The following RPH3A variants were observed in gnomAD, a reference collection of about 807,000 sequenced individuals.
RPH3A encodes the protein rabphilin-3A.
A neutral mutation model predicts 102.2 loss-of-function variants in RPH3A; 48 were observed. The observed-to-expected ratio is 0.47, with a 90% CI of 0.37 to 0.60. The LOEUF (loss-of-function observed/expected upper bound fraction) is 0.60, where lower values mean the gene tolerates loss of function less well. RPH3A is among the 20% of genes least tolerant of loss of function. RPH3A has a pLI of 0.00. For missense variants in RPH3A, 781 were observed against 910.1 expected (o/e 0.86, Z 1.83); for synonymous variants, 310 against 324.3 (o/e 0.96, Z 0.47).
rs370018106 is a variant in RPH3A, at chr12:112,865,714, C to A, written c.360+171C>A. 6 of 616,360 alleles carry A rather than the reference C, an allele frequency of 9.7e-6. No individual in the cohort carries two copies. The East Asian group carries it at 1.7e-4, about 17-fold the overall frequency. The allele number at this position is 616,360 out of a possible 1,614,324, so 38.2% of individuals were successfully genotyped here. A position where few individuals can be genotyped will look rare whatever the true frequency, so the allele number is the denominator to read the frequency against. On this transcript the variant is annotated intron_variant, in intron 6 of 21. Transcript: ENST00000389385. ...GCTTCCATGCCCTACTGTCTTCCAACGTAACCCTGATCCTGGTTCCTCCCT... is the reference window on the plus strand; with the variant it reads ...GCTTCCATGCCCTACTGTCTTCCAAAGTAACCCTGATCCTGGTTCCTCCCT...
chr12:112,759,183 A>C (rs1165450538), intron 1 of RPH3A, among the ~76,000 whole-genome samples: 1 of 152,194 alleles, frequency 6.6e-6, no homozygotes, highest in Non-Finnish European at 1.5e-5. Context: ...ACCATAGTGT[A>C]AAAAATAAGT....
At chr12:112,820,131 T>C (rs1413536810) in intron 2 of RPH3A, among the ~76,000 whole-genome samples, 4 of 152,196 alleles carry the variant, frequency 2.6e-5, no homozygotes, top group Non-Finnish European at 4.4e-5. Flanking sequence ...GGGTACCAAA[T>C]ACACCTTTAG....
chr12:112,680,741 CCCT>C (rs1442970396), intron 1 of RPH3A, among the ~76,000 whole-genome samples: 1 of 152,056 alleles, frequency 6.6e-6, no homozygotes, highest in Non-Finnish European at 1.5e-5. Context: ...ACATGCATAG[CCCT>C]CCTTTTTCTC....
chr12:112,826,962 G>T (rs1332327659), intron 2 of RPH3A, among the ~76,000 whole-genome samples: 1 of 152,072 alleles, frequency 6.6e-6, no homozygotes, highest in Non-Finnish European at 1.5e-5. Flanking sequence ...TATTTCTCAG[G>T]TATATACCTG....
At chr12:112,760,449 T>C (rs972176016) in intron 1 of RPH3A, among the ~76,000 whole-genome samples, 1 of 152,262 alleles carries the variant, frequency 6.6e-6, no homozygotes, top group Non-Finnish European at 1.5e-5. Flanking sequence ...AGCACTATGC[T>C]AGGCATGGTA....
In RPH3A at chr12:112,694,500, T is replaced by C. The variant is rs1361977884; in HGVS notation, c.-139-97643T>C. Among the ~76,000 whole-genome samples, 4 of 150,960 alleles carry C rather than the reference T, an allele frequency of 2.6e-5. No homozygotes were observed. The South Asian group carries it at 8.4e-4, about 32-fold the overall frequency. On this transcript the variant is annotated intron_variant, in intron 1 of 21. Coordinates refer to the RPH3A transcript ENST00000543106. Reference sequence around the variant, plus strand: ...CCACTGGCTGGCCACCAAGCTGAGATTGTCATGCAGCAGCAGCAGCATAAG... The same window carrying C: ...CCACTGGCTGGCCACCAAGCTGAGACTGTCATGCAGCAGCAGCAGCATAAG...
At chr12:112,601,880 G>A (rs2039561858) in intron 1 of RPH3A, among the ~76,000 whole-genome samples, 3 of 152,186 alleles carry the variant, frequency 2.0e-5, no homozygotes, top group Admixed American at 6.5e-5. Context: ...GGTCCAGGCT[G>A]CAGTGAGCTG....
chr12:112,783,724 C>T (rs374834747), intron 1 of RPH3A, among the ~76,000 whole-genome samples: 11 of 152,104 alleles, frequency 7.2e-5, no homozygotes, highest in East Asian at 1.9e-4. Context: ...TAAGGCACAG[C>T]GAGGTAAAGT....
chr12:112,747,825 G>T (rs1428271645), intron 1 of RPH3A, among the ~76,000 whole-genome samples: 1 of 152,236 alleles, frequency 6.6e-6, no homozygotes, highest in African/African-American at 2.4e-5. Context: ...CAGGGTGACT[G>T]CTCCAAGTGA....
chr12:112,809,060 G>A (rs1470675066), intron 2 of RPH3A, among the ~76,000 whole-genome samples: 1 of 152,114 alleles, frequency 6.6e-6, no homozygotes, highest in African/African-American at 2.4e-5. Flanking sequence ...GCAGAACTAG[G>A]ATGTGACTGT....
chr12:112,603,830 T>C (rs1448847603), intron 1 of RPH3A, among the ~76,000 whole-genome samples: 1 of 152,138 alleles, frequency 6.6e-6, no homozygotes, highest in African/African-American at 2.4e-5. Context: ...GGAGTCACTC[T>C]GGTTTGAATG....
intron 11 of RPH3A, 75 bp from the exon 12 acceptor site, chr12:112,875,604 G>T: frequency 1.5e-6 from 2 of 1,333,726 alleles, no homozygotes; most frequent in South Asian, 1.2e-5. Context: ...CCTGTGAAAT[G>T]AAAAGGAAAA....
chr12:112,843,716 A>C (rs1424436261), intron 4 of RPH3A, among the ~76,000 whole-genome samples: 1 of 152,184 alleles, frequency 6.6e-6, no homozygotes, highest in African/African-American at 2.4e-5. Context: ...AGTTTTGGTC[A>C]CTGAGCTGCT....
At chr12:112,588,475 G>GA (rs552817800) in intron 1 of RPH3A, among the ~76,000 whole-genome samples, 5 of 152,262 alleles carry the variant, frequency 3.3e-5, no homozygotes, top group East Asian at 1.9e-4. Flanking sequence ...AATAGCATGG[G>GA]AAAAAACCTG....
At chr12:112,721,688 C>A (rs1195302107) in intron 1 of RPH3A, among the ~76,000 whole-genome samples, 1 of 148,416 alleles carries the variant, frequency 6.7e-6, no homozygotes, top group African/African-American at 2.5e-5. Context: ...TATTTCAACT[C>A]AATGGCAAGA....
chr12:112,662,657 A>C (rs2040056649), intron 1 of RPH3A, among the ~76,000 whole-genome samples: 1 of 152,058 alleles, frequency 6.6e-6, no homozygotes, highest in South Asian at 2.1e-4. Context: ...TTCTCTCTCA[A>C]CTGCTGAACT....
chr12:112,695,125 A>C (rs1387303205), intron 1 of RPH3A: 1 of 170,448 alleles, frequency 5.9e-6, no homozygotes, highest in Non-Finnish European at 1.5e-5. Flanking sequence ...ATATTCTTAC[A>C]TACACAATTA....
At chr12:112,752,144 G>A (rs1005447889) in intron 1 of RPH3A, among the ~76,000 whole-genome samples, 18 of 152,092 alleles carry the variant, frequency 1.2e-4, no homozygotes, top group African/African-American at 4.3e-4. Context: ...TTTGTAATCA[G>A]AAAATCCCAA....
intron 1 of RPH3A, among the ~76,000 whole-genome samples, chr12:112,726,334 T>C (rs1006330512): frequency 2.8e-4 from 43 of 151,302 alleles, no homozygotes; most frequent in South Asian, 2.1e-4. Context: ...AGGCTGGTCT[T>C]GAACTCCTGA....
Sources: gnomAD v4.1 joint callset for allele counts (sites outside exome capture counted in the v4.1 genomes callset) on GRCh38, gnomAD v4.1.1 for gene constraint, MANE v1.5 for transcripts, NCBI Gene and HGNC (gene_info 2026-07-23, HGNC 2026-07-21) for gene names.